The following CSMD3 variants were observed in gnomAD, a reference collection of about 807,000 sequenced individuals.
CSMD3 encodes the protein CUB and sushi domain-containing protein 3.
A neutral mutation model predicts 435.2 loss-of-function variants in CSMD3; 177 were observed. The observed-to-expected ratio is 0.41, with a 90% CI of 0.36 to 0.46. The LOEUF (loss-of-function observed/expected upper bound fraction) is 0.46. Among genes scored for constraint, CSMD3 ranks in the 20% least tolerant of loss-of-function variants. The probability of loss-of-function intolerance (pLI) is 0.34; values close to 1 mark genes in which losing one functional copy is unlikely to be tolerated. For missense variants in CSMD3, 4,265 were observed against 4,504.6 expected (o/e 0.95, Z 1.52); for synonymous variants, 1,656 against 1,520.5 (o/e 1.09, Z -2.07).
At chr8:113,023,647 C>A (rs1376106369) in intron 5 of CSMD3, among the ~76,000 whole-genome samples, 2 of 152,030 alleles carry the variant, frequency 1.3e-5, no homozygotes, top group Admixed American at 6.6e-5. Context: ...AATAAATATC[C>A]TTTCTTTACA....
chr8:113,244,480 T>C (rs2093254964), intron 3 of CSMD3, among the ~76,000 whole-genome samples: 1 of 152,104 alleles, frequency 6.6e-6, no homozygotes, highest in Non-Finnish European at 1.5e-5. Context: ...CACGCCTGAC[T>C]AATTTTTGTA....
intron 3 of CSMD3, among the ~76,000 whole-genome samples, chr8:113,207,912 C>T (rs527482220): frequency 1.4e-4 from 21 of 152,130 alleles, no homozygotes; most frequent in Non-Finnish European, 2.6e-4. Flanking sequence ...AACGTGACAT[C>T]ATTTCCCTGT....
intron 38 of CSMD3, among the ~76,000 whole-genome samples, chr8:112,358,361 T>C (rs1826843876): frequency 6.6e-6 from 1 of 152,168 alleles, no homozygotes; most frequent in South Asian, 2.1e-4. Flanking sequence ...ATGCTGAAAT[T>C]AGTTAAGACT....
intron 3 of CSMD3, among the ~76,000 whole-genome samples, chr8:113,233,716 AT>A (rs1431726215): frequency 6.6e-6 from 1 of 151,898 alleles, no homozygotes. Context: ...GAAGGAAAAG[AT>A]AAAAAAATGC....
Position 112,493,369 on chromosome 8 carries a change from C to T in CSMD3, c.5084-686G>A, listed in dbSNP as rs115741265. On this transcript the variant is annotated intron_variant, in intron 30 of 70. Transcript: ENST00000297405. The stretch of plus-strand genomic sequence containing the variant: ...AAACGTCTTTATTTAAAAGATCTCC[C>T]CACAAGTAATGCCATGTTACTGAAC... Among the ~76,000 whole-genome samples the T allele has an allele frequency of 7.7e-3, 1,166 of 152,066 alleles. 14 individuals are homozygous for T. The highest frequency in any genetic ancestry group is 0.027 in the African/African-American group (1,127 of 41,500).
intron 1 of CSMD3, among the ~76,000 whole-genome samples, chr8:113,434,412 T>A (rs545113991): frequency 1.3e-5 from 2 of 152,238 alleles, no homozygotes; most frequent in South Asian, 4.1e-4. Flanking sequence ...TAGGAAAGCC[T>A]TGAGACAGGT....
intron 18 of CSMD3, among the ~76,000 whole-genome samples, chr8:112,651,466 A>C (rs567543342): frequency 6.6e-6 from 1 of 152,194 alleles, no homozygotes; most frequent in African/African-American, 2.4e-5. Context: ...AGACAATTTT[A>C]TCTTCAACAC....
chr8:112,791,877 TGCCAA>T (rs1438711347), intron 13 of CSMD3, among the ~76,000 whole-genome samples: 10 of 152,166 alleles, frequency 6.6e-5, no homozygotes, highest in Non-Finnish European at 1.2e-4. Context: ...TCCGCTTCCT[TGCCAA>T]GCCAACATTT....
chr8:112,235,518 G>C (rs1474389628), intron 67 of CSMD3, among the ~76,000 whole-genome samples: 1 of 152,180 alleles, frequency 6.6e-6, no homozygotes, highest in Admixed American at 6.5e-5. Flanking sequence ...ATAAGGAAGA[G>C]AAGCAAAAAT....
intron 1 of CSMD3, among the ~76,000 whole-genome samples, chr8:113,369,986 A>C (rs963084338): frequency 2.0e-5 from 3 of 151,884 alleles, no homozygotes; most frequent in Admixed American, 6.6e-5. Context: ...CAAGAGATCT[A>C]TTGTATTGTA....
intron 59 of CSMD3, among the ~76,000 whole-genome samples, chr8:112,274,005 T>A (rs1817781353): frequency 1.3e-5 from 2 of 151,242 alleles, no homozygotes; most frequent in Non-Finnish European, 2.9e-5. Context: ...GGAGAAAATG[T>A]CTTGAGGTGT....
In CSMD3 at chr8:112,351,176, T is replaced by G. The variant is rs756115528; in HGVS notation, c.6324A>C (p.Leu2108Phe). 3 of 1,583,466 alleles carry G rather than the reference T, an allele frequency of 1.9e-6. No individual in the cohort carries two copies. Among genetic ancestry groups the G allele is most frequent in the Non-Finnish European group, 1.7e-6 (2 of 1,152,626 alleles). ...RRWNYPIPIC[L>F]AQCGGAMSDF... is the part of the protein sequence containing the mutation. ...ATACTTTATAGTCTTTTAACTTACC[T>G]AAACAAATTGGGATTGGATAATTCC... The change falls in exon 40 of 71, where the codon TTA becomes TTC. Residue 2108 changes from leucine (L) to phenylalanine (F), a missense_variant and splice_region_variant. This residue lies in a region of CSMD3 where 3,255 missense variants were observed against 3,380.2 expected (regional missense o/e 0.96). Coordinates refer to ENST00000297405, the MANE Select transcript of CSMD3 (RefSeq NM_198123.2).
At chr8:112,388,962 A>T (rs1341602927) in intron 36 of CSMD3, among the ~76,000 whole-genome samples, 1 of 152,160 alleles carries the variant, frequency 6.6e-6, no homozygotes, top group Non-Finnish European at 1.5e-5. Flanking sequence ...ACAGATGTAG[A>T]AGAGAAAACA....
intron 5 of CSMD3, among the ~76,000 whole-genome samples, chr8:113,066,011 T>C (rs1482694933): frequency 6.7e-6 from 1 of 149,942 alleles, no homozygotes; most frequent in Non-Finnish European, 1.5e-5. Context: ...CAGTGATAAA[T>C]AAACAAATGG....
chr8:112,652,457 T>C (rs1367514904), intron 18 of CSMD3, among the ~76,000 whole-genome samples: 1 of 152,190 alleles, frequency 6.6e-6, no homozygotes. Flanking sequence ...TAAATTACAG[T>C]AAAATTTAAT....
intron 5 of CSMD3, among the ~76,000 whole-genome samples, chr8:113,035,123 G>T (rs2087286479): frequency 6.6e-6 from 1 of 151,822 alleles, no homozygotes; most frequent in Admixed American, 6.6e-5. Flanking sequence ...AATGACAAGA[G>T]CTCAAAGCAA....
At chr8:113,082,627 A>C (rs1229229218) in intron 5 of CSMD3, among the ~76,000 whole-genome samples, 1 of 152,110 alleles carries the variant, frequency 6.6e-6, no homozygotes. Flanking sequence ...GAAATCTATA[A>C]AATTCATGAA....
chr8:112,553,478 T>C (rs932469366), intron 25 of CSMD3, among the ~76,000 whole-genome samples: 4 of 152,068 alleles, frequency 2.6e-5, no homozygotes, highest in Admixed American at 6.6e-5. Flanking sequence ...CTAAGTATTT[T>C]AGTTAGCATA....
chr8:112,587,980 G>C (rs1264700384), intron 22 of CSMD3, among the ~76,000 whole-genome samples: 1 of 151,972 alleles, frequency 6.6e-6, no homozygotes, highest in Admixed American at 6.6e-5. Context: ...AACAAATTTA[G>C]TTCGAACTTA....
Sources: gnomAD v4.1 joint callset for allele counts (sites outside exome capture counted in the v4.1 genomes callset) on GRCh38, gnomAD v4.1.1 for gene constraint, gnomAD v4.1.1 regional missense constraint, MANE v1.5 for transcripts, NCBI Gene and HGNC (gene_info 2026-07-23, HGNC 2026-07-21) for gene names.